MTCL2: variants seen among roughly 807,000 people sequenced by gnomAD.
The protein encoded by MTCL2 is microtubule cross-linking factor 2.
At chr20:36,777,816 G>A in the MTCL2 span, 2 of 619,754 alleles carry the variant, frequency 3.2e-6, no homozygotes, top group South Asian at 3.9e-5. Flanking sequence ...GGATGAGGAG[G>A]AAGGGCAGCT....
chr20:36,835,213 C>G, the MTCL2 span, among the ~76,000 whole-genome samples: 2 of 152,166 alleles, frequency 1.3e-5, no homozygotes, highest in South Asian at 2.1e-4. Flanking sequence ...CTCTCCGCCC[C>G]GTGACCTTGC....
At chr20:36,791,310 G>T in the MTCL2 span, among the ~76,000 whole-genome samples, 1 of 152,154 alleles carries the variant, frequency 6.6e-6, no homozygotes, top group Non-Finnish European at 1.5e-5. Context: ...TGGGATTACA[G>T]GCATGAGCCA....
the MTCL2 span, chr20:36,793,236 C>A: frequency 2.1e-4 from 332 of 1,546,610 alleles, no homozygotes; most frequent in South Asian, 7.6e-4. The surrounding 1 kb of genome is among the most constrained non-coding windows in gnomAD (Gnocchi z 6.8). Context: ...AAGGACAGAT[C>A]CCACCCACCT....
At chr20:36,788,604 C>T in the MTCL2 span, among the ~76,000 whole-genome samples, 185 of 152,092 alleles carry the variant, frequency 1.2e-3, no homozygotes, top group Middle Eastern at 0.01. Context: ...TGCCACTGCA[C>T]TCCAGCCTAG....
chr20:36,816,092 C>G, the MTCL2 span: 2 of 1,613,664 alleles, frequency 1.2e-6, no homozygotes, highest in Non-Finnish European at 1.7e-6. Flanking sequence ...CCACCAGCTT[C>G]AGGTGCACCT....
chr20:36,814,975 T>C, the MTCL2 span: 1 of 678,508 alleles, frequency 1.5e-6, no homozygotes, highest in Non-Finnish European at 2.4e-6. Flanking sequence ...GGGGGGAGAA[T>C]GGCTAGAGCC....
At chr20:36,795,432 G>A in the MTCL2 span, among the ~76,000 whole-genome samples, 3 of 151,996 alleles carry the variant, frequency 2.0e-5, no homozygotes, top group African/African-American at 7.2e-5. Context: ...TGCATACTCT[G>A]AACTGCATAC....
At chr20:36,841,874 GGTGT>G in the MTCL2 span, among the ~76,000 whole-genome samples, 28,805 of 109,820 alleles carry the variant, frequency 0.26, 3,084 homozygotes, top group Non-Finnish European at 0.32. Context: ...TGGGGGGTGG[GGTGT>G]GTGTGTGTGT....
the MTCL2 span, among the ~76,000 whole-genome samples, chr20:36,787,885 GAAAA>G: frequency 5.5e-5 from 3 of 54,538 alleles, no homozygotes; most frequent in African/African-American, 2.2e-4. Context: ...GACTCCATCT[GAAAA>G]AAAAAAAAAA....
chr20:36,796,837 T>C, the MTCL2 span: 4 of 1,598,492 alleles, frequency 2.5e-6, no homozygotes, highest in African/African-American at 4.0e-5. Flanking sequence ...GGCGAGGCTG[T>C]GGGGCCGGTC....
chr20:36,841,874 G>GTGTGTGTGT, the MTCL2 span, among the ~76,000 whole-genome samples: 1 of 110,768 alleles, frequency 9.0e-6, no homozygotes, highest in African/African-American at 3.2e-5. Flanking sequence ...TGGGGGGTGG[G>GTGTGTGTGT]GTGTGTGTGT....
the MTCL2 span, among the ~76,000 whole-genome samples, chr20:36,799,165 G>A: frequency 6.6e-6 from 1 of 151,928 alleles, no homozygotes; most frequent in East Asian, 1.9e-4. Flanking sequence ...AGATCAGCCT[G>A]GGCAACACGG....
At chr20:36,815,788 C>A in the MTCL2 span, 3 of 1,591,168 alleles carry the variant, frequency 1.9e-6, no homozygotes, top group Non-Finnish European at 2.6e-6. The surrounding 1 kb of genome is among the most constrained non-coding windows in gnomAD (Gnocchi z 5.3). Context: ...ACGTCCAGCT[C>A]GTGCTCCGAG....
At chr20:36,834,137 T>C in the MTCL2 span, among the ~76,000 whole-genome samples, 6 of 141,446 alleles carry the variant, frequency 4.2e-5, no homozygotes, top group Non-Finnish European at 7.5e-5. Context: ...TACTCCAGCC[T>C]GGGTGACAGA....
At chr20:36,817,591 C>G in the MTCL2 span, 1 of 856,832 alleles carries the variant, frequency 1.2e-6, no homozygotes, top group South Asian at 1.8e-5. Flanking sequence ...CCCCAGGCCA[C>G]CCCACCCTGA....
chr20:36,811,897 C>G, the MTCL2 span, among the ~76,000 whole-genome samples: 38 of 152,288 alleles, frequency 2.5e-4, 4 homozygotes, highest in Admixed American at 1.7e-3. Flanking sequence ...TTCAGGGATA[C>G]TCCACCCAGT....
chr20:36,792,482 GGGACAA>G, the MTCL2 span, among the ~76,000 whole-genome samples: 1 of 151,908 alleles, frequency 6.6e-6, no homozygotes, highest in Admixed American at 6.6e-5. Flanking sequence ...TCAAGCCTGG[GGGACAA>G]GAACGAGACT....
chr20:36,829,322 G>T, the MTCL2 span: 2 of 1,106,392 alleles, frequency 1.8e-6, no homozygotes, highest in East Asian at 2.7e-5. Flanking sequence ...AGACAGGCAG[G>T]TTCCTATCGC....
At chr20:36,819,184 G>A in the MTCL2 span, among the ~76,000 whole-genome samples, 7 of 152,074 alleles carry the variant, frequency 4.6e-5, no homozygotes, top group African/African-American at 1.7e-4. Flanking sequence ...GTTTAAAGAA[G>A]TCATTCAATT....
Sources: gnomAD v4.1 joint callset for allele counts (sites outside exome capture counted in the v4.1 genomes callset) on GRCh38, gnomAD v4.1.1 for gene constraint, Gnocchi (gnomAD v3.1) non-coding constraint, MANE v1.5 for transcripts, NCBI Gene and HGNC (gene_info 2026-07-23, HGNC 2026-07-21) for gene names.